Variants in GRM7 observed in about 807,000 individuals in gnomAD.
GRM7 encodes the protein glutamate metabotropic receptor 7.
GRM7 carries 35 observed loss-of-function variants against 84.5 expected under a neutral mutation model. The observed-to-expected ratio is 0.41, with a 90% CI of 0.32 to 0.55. The LOEUF (loss-of-function observed/expected upper bound fraction) is 0.55, where lower values mean the gene tolerates loss of function less well. GRM7 is among the 20% of genes least tolerant of loss of function. The pLI, the probability that GRM7 is intolerant of heterozygous loss-of-function variation, is 0.19. For synonymous variants in GRM7, 487 were observed against 455.1 expected, an observed-to-expected ratio of 1.07 and a Z score of -0.89; for missense variants, 1,003 against 1,194.6, an observed-to-expected ratio of 0.84 and a Z score of 2.36.
intron 1 of GRM7, among the ~76,000 whole-genome samples, chr3:7,135,950 T>C (rs1426132685): frequency 6.6e-6 from 1 of 152,054 alleles, no homozygotes; most frequent in South Asian, 2.1e-4. Context: ...TACTTGAGTC[T>C]TCAGTGACAA....
intron 2 of GRM7, among the ~76,000 whole-genome samples, chr3:7,238,997 C>CTTTTTTTT (rs1559520012): frequency 2.2e-5 from 3 of 137,590 alleles, no homozygotes; most frequent in Non-Finnish European, 4.6e-5. Flanking sequence ...TTCTTTTTTC[C>CTTTTTTTT]TTTTTCTTTT....
rs183610986 is a variant in GRM7 at position 7,700,779 on chromosome 3, G to A, written c.2698+20484G>A. 2.0e-5 allele frequency among the ~76,000 whole-genome samples: 3 copies of A among 152,294 alleles called. No homozygotes were observed. In the East Asian group the frequency reaches 5.8e-4, roughly 29 times the overall value. ...TGCCACGCATTGTTAGGGAAAAAAA[G>A]GACACTTACAAGTATCTTGCGGCAT... On this transcript the variant is annotated intron_variant, in intron 9 of 9. Transcript: ENST00000357716.
chr3:7,306,563 G>C lies in GRM7; in HGVS notation c.944G>C (p.Ser315Thr). 1 of 1,613,778 alleles carries C rather than the reference G, an allele frequency of 6.2e-7. No homozygotes were observed. Among genetic ancestry groups the C allele is most frequent in the Non-Finnish European group, 8.5e-7 (1 of 1,179,762 alleles). Residue 315 changes from serine (S) to threonine (T), a missense_variant, in exon 4 of 10, where the codon AGC becomes ACC. By Grantham distance (58) the Ser-to-Thr change is moderately conservative. Around this residue, in one of 2 missense-constraint regions of GRM7, gnomAD observed 910 missense variants for 1,126.0 expected, o/e 0.81. Coordinates refer to ENST00000357716, the MANE Select transcript of GRM7 (RefSeq NM_000844.4). ...CATTTTCTTTGGGTGGGATCAGACA[G>C]CTGGGGATCCAAAATAAACCCACTG... is the stretch of plus-strand genomic sequence containing the variant. ...VGHFLWVGSD[S>T]WGSKINPLHQ... is the part of the protein sequence containing the mutation.
intron 4 of GRM7, among the ~76,000 whole-genome samples, chr3:7,343,383 A>G (rs1400306464): frequency 6.6e-6 from 1 of 151,776 alleles, no homozygotes; most frequent in African/African-American, 2.4e-5. Flanking sequence ...ACAGGGATGT[A>G]TTTTTATTTT....
chr3:6,972,562 C>T (rs893571640), intron 1 of GRM7, among the ~76,000 whole-genome samples: 1 of 151,982 alleles, frequency 6.6e-6, no homozygotes, highest in Non-Finnish European at 1.5e-5. Context: ...GGGTGAAAGC[C>T]GAGATTTAGA....
intron 9 of GRM7, among the ~76,000 whole-genome samples, chr3:7,687,772 C>G (rs762127076): frequency 3.7e-4 from 57 of 152,160 alleles, no homozygotes; most frequent in African/African-American, 1.3e-3. Flanking sequence ...AAATCTTTCT[C>G]TCTCTCTCTT....
At chr3:7,416,208 T>C (rs1425113833) in intron 5 of GRM7, among the ~76,000 whole-genome samples, 1 of 152,058 alleles carries the variant, frequency 6.6e-6, no homozygotes, top group Non-Finnish European at 1.5e-5. Context: ...TAAGTCATTT[T>C]AGGATGTACG....
chr3:7,078,502 A>T (rs1253035783), intron 1 of GRM7, among the ~76,000 whole-genome samples: 2 of 152,176 alleles, frequency 1.3e-5, no homozygotes, highest in Non-Finnish European at 2.9e-5. Context: ...ATGTACTAGA[A>T]CTAGAATAAT....
chr3:7,733,875 A>G (rs1462986594), intron 9 of GRM7, among the ~76,000 whole-genome samples: 1 of 152,158 alleles, frequency 6.6e-6, no homozygotes, highest in Non-Finnish European at 1.5e-5. Flanking sequence ...ATTGTCTCAC[A>G]CTGCATGGTC....
chr3:7,401,198 G>C (rs1230890110), intron 4 of GRM7, among the ~76,000 whole-genome samples: 2 of 152,026 alleles, frequency 1.3e-5, no homozygotes, highest in African/African-American at 4.8e-5. Flanking sequence ...AGCAATCCCT[G>C]GTGACTAAAA....
intron 7 of GRM7, chr3:7,520,044 G>A (rs993397932): frequency 6.6e-6 from 1 of 152,220 alleles, no homozygotes; most frequent in African/African-American, 2.4e-5. Flanking sequence ...GAGACAGGTG[G>A]AAGATACGGT....
chr3:6,965,388 G>A (rs1027752965), intron 1 of GRM7, among the ~76,000 whole-genome samples: 5 of 152,060 alleles, frequency 3.3e-5, no homozygotes, highest in Non-Finnish European at 7.3e-5. Context: ...TGTGATCGTG[G>A]CTCACTGCAG....
intron 1 of GRM7, among the ~76,000 whole-genome samples, chr3:7,068,450 A>T (rs1368235520): frequency 6.6e-6 from 1 of 152,062 alleles, no homozygotes; most frequent in African/African-American, 2.4e-5. Context: ...GCTGATTTCA[A>T]CAAACTGTTT....
chr3:7,098,949 C>T (rs1036159815), intron 1 of GRM7, among the ~76,000 whole-genome samples: 5 of 151,876 alleles, frequency 3.3e-5, no homozygotes, highest in Non-Finnish European at 7.4e-5. Flanking sequence ...AATATGCTCT[C>T]TGATGCCTGT....
At chr3:6,991,963 T>C (rs1199131122) in intron 1 of GRM7, among the ~76,000 whole-genome samples, 5 of 151,960 alleles carry the variant, frequency 3.3e-5, no homozygotes, top group Non-Finnish European at 7.4e-5. Context: ...ACCAGTTTGT[T>C]TTATGTTCAA....
chr3:7,105,007 T>C (rs1254326571), intron 1 of GRM7, among the ~76,000 whole-genome samples: 2 of 151,836 alleles, frequency 1.3e-5, no homozygotes, highest in Non-Finnish European at 2.9e-5. Flanking sequence ...TAATACATGG[T>C]TGAATAGTTC....
intron 2 of GRM7, among the ~76,000 whole-genome samples, chr3:7,208,953 C>T (rs150688557): frequency 1.2e-4 from 19 of 152,254 alleles, no homozygotes; most frequent in Admixed American, 5.9e-4. Context: ...TGCTCCTTGA[C>T]TTACGATGGG....
In GRM7 at chr3:7,740,033, C is replaced by A. The variant is rs187083773; in HGVS notation, c.2699-324C>A. Among the ~76,000 whole-genome samples, 267 of 152,244 alleles carry A rather than the reference C, an allele frequency of 1.8e-3. 4 individuals are homozygous for A. The highest frequency in any genetic ancestry group is 1.3e-3 in the Non-Finnish European group (90 of 68,022). On this transcript the variant is annotated intron_variant, in intron 9 of 9. Transcript: ENST00000357716. ...TGAGAAGAGCACACAACGAAATATA[C>A]CACAGTGTGAGTGAACCCTTTAAGT...
intron 8 of GRM7, among the ~76,000 whole-genome samples, chr3:7,648,283 T>C (rs1413664723): frequency 6.8e-6 from 1 of 147,728 alleles, no homozygotes; most frequent in African/African-American, 2.5e-5. Context: ...AAAAAAAAAA[T>C]TGGCCATGAG....
Sources: allele counts gnomAD v4.1 joint callset (sites outside exome capture counted in the v4.1 genomes callset), GRCh38; gene constraint gnomAD v4.1.1; regional missense constraint gnomAD v4.1.1; transcripts MANE v1.5; gene names NCBI Gene and HGNC (gene_info 2026-07-23, HGNC 2026-07-21).